The following SOX6 variants were observed in gnomAD, a reference collection of about 807,000 sequenced individuals.
SOX6 encodes the protein transcription factor SOX-6.
A neutral mutation model predicts 97.8 loss-of-function variants in SOX6; 11 were observed. That is an observed-to-expected ratio of 0.11 (90% CI 0.07 to 0.19). SOX6 has a LOEUF of 0.19. Ranked by LOEUF, SOX6 falls within the 10% of genes least tolerant of loss-of-function variation. SOX6 has a pLI of 1.00. For synonymous variants in SOX6, 360 were observed against 371.4 expected (o/e 0.97, Z 0.35); for missense variants, 810 against 1,039.5 (o/e 0.78, Z 3.04).
chr11:16,070,830 C>T (rs570364269), intron 9 of SOX6, among the ~76,000 whole-genome samples: 3 of 152,278 alleles, frequency 2.0e-5, no homozygotes, highest in South Asian at 4.1e-4. Flanking sequence ...TGGGAGAATC[C>T]TCCTAACCCC....
chr11:16,646,780 G>A (rs556665267), intron 3 of SOX6, among the ~76,000 whole-genome samples: 1 of 151,936 alleles, frequency 6.6e-6, no homozygotes, highest in Admixed American at 6.6e-5. Context: ...TTCCATCCAG[G>A]TTGCTGTGAA....
At chr11:16,329,321 A>G (rs1439272047) in intron 2 of SOX6, among the ~76,000 whole-genome samples, 1 of 152,194 alleles carries the variant, frequency 6.6e-6, no homozygotes, top group East Asian at 1.9e-4. Flanking sequence ...TTAAATACAG[A>G]AAACATCCCC....
At chr11:16,366,048 C>A (rs908573319) in intron 1 of SOX6, among the ~76,000 whole-genome samples, 1 of 152,034 alleles carries the variant, frequency 6.6e-6, no homozygotes. Context: ...TATGCAGTGC[C>A]GAACAAGTGG....
At chr11:16,666,694 G>C (rs1373380610) in intron 3 of SOX6, among the ~76,000 whole-genome samples, 2 of 152,106 alleles carry the variant, frequency 1.3e-5, no homozygotes, top group South Asian at 4.1e-4. Context: ...CTATTCAGGA[G>C]GCTGAGGCAG....
intron 15 of SOX6, among the ~76,000 whole-genome samples, chr11:15,979,235 T>G (rs953305670): frequency 1.3e-5 from 2 of 151,658 alleles, no homozygotes; most frequent in African/African-American, 4.8e-5. Context: ...TAACTGTATT[T>G]CTTTCAAACT....
intron 2 of SOX6, among the ~76,000 whole-genome samples, chr11:16,326,085 T>C (rs1413524258): frequency 2.0e-5 from 3 of 152,228 alleles, no homozygotes; most frequent in African/African-American, 4.8e-5. Context: ...ATTTTGTTAT[T>C]AGCAGCAGTA....
At chr11:16,119,643 T>C (rs1006961158) in intron 6 of SOX6, among the ~76,000 whole-genome samples, 1 of 152,216 alleles carries the variant, frequency 6.6e-6, no homozygotes, top group African/African-American at 2.4e-5. Flanking sequence ...AACTGATCAA[T>C]GGCTGAGAGC....
At chr11:16,209,827 GT>G (rs1852172893) in intron 4 of SOX6, among the ~76,000 whole-genome samples, 1 of 152,024 alleles carries the variant, frequency 6.6e-6, no homozygotes, top group African/African-American at 2.4e-5. Context: ...AAAAATGTGA[GT>G]TTTAAATCAG....
intron 15 of SOX6, among the ~76,000 whole-genome samples, chr11:15,975,742 T>A (rs143314045): frequency 7.6e-4 from 116 of 152,296 alleles, no homozygotes; most frequent in African/African-American, 2.7e-3. Flanking sequence ...GCCACGCAAG[T>A]ACCATAATCA....
At chr11:16,402,600 A>T in intron 1 of SOX6, 1 of 1,510,970 alleles carries the variant, frequency 6.6e-7, no homozygotes, top group Non-Finnish European at 9.2e-7. Context: ...CGCTTTGTTT[A>T]ATGAAAGCAG....
At chr11:16,453,077 G>A (rs1254389731) in intron 1 of SOX6, among the ~76,000 whole-genome samples, 3 of 152,038 alleles carry the variant, frequency 2.0e-5, no homozygotes, top group African/African-American at 4.8e-5. Context: ...CCTATAAAAC[G>A]CAATTTTTAT....
chr11:16,517,245 A>G (rs1860988650), intron 4 of SOX6, among the ~76,000 whole-genome samples: 1 of 151,932 alleles, frequency 6.6e-6, no homozygotes, highest in African/African-American at 2.4e-5. Context: ...AAAAACTGGA[A>G]GCATTCCCTT....
chr11:16,519,824 A>G (rs1861030831), intron 4 of SOX6, among the ~76,000 whole-genome samples: 1 of 152,178 alleles, frequency 6.6e-6, no homozygotes, highest in South Asian at 2.1e-4. Context: ...CCAACAGTAC[A>G]TAAGTGTTCC....
At chr11:16,446,959 CTTTT>C (rs1859623866) in intron 1 of SOX6, among the ~76,000 whole-genome samples, 1 of 2,376 alleles carries the variant, frequency 4.2e-4, no homozygotes, top group Non-Finnish European at 9.0e-4. Flanking sequence ...TCCTTCTTTC[CTTTT>C]TTCCTTCCTT....
At chr11:16,620,407 A>T (rs978926597) in intron 3 of SOX6, among the ~76,000 whole-genome samples, 1 of 152,182 alleles carries the variant, frequency 6.6e-6, no homozygotes, top group Non-Finnish European at 1.5e-5. Flanking sequence ...CGATATAAAA[A>T]ATTACAAGGA....
chr11:16,080,217 CTAT>C (rs941206305), intron 9 of SOX6, among the ~76,000 whole-genome samples: 2 of 134,490 alleles, frequency 1.5e-5, no homozygotes, highest in African/African-American at 5.7e-5. Flanking sequence ...TAAATGTGGA[CTAT>C]TATTATTTGT....
intron 3 of SOX6, among the ~76,000 whole-genome samples, chr11:16,631,772 C>T (rs1384994835): frequency 2.0e-5 from 3 of 152,010 alleles, no homozygotes; most frequent in African/African-American, 7.2e-5. Context: ...AGACTTTGTA[C>T]ATTTTTTTTA....
chr11:16,675,985 T>C (rs1168320199), intron 3 of SOX6, among the ~76,000 whole-genome samples: 3 of 152,224 alleles, frequency 2.0e-5, no homozygotes. Context: ...ATTTCGAAAG[T>C]TTTAAACCAT....
chr11:16,261,961 A>G (rs1227274537), intron 3 of SOX6, among the ~76,000 whole-genome samples: 1 of 152,044 alleles, frequency 6.6e-6, no homozygotes, highest in African/African-American at 2.4e-5. Context: ...AAAAAATGAA[A>G]ACAAATTATC....
Sources: gnomAD v4.1 joint callset for allele counts (sites outside exome capture counted in the v4.1 genomes callset) on GRCh38, gnomAD v4.1.1 for gene constraint, MANE v1.5 for transcripts, NCBI Gene and HGNC (gene_info 2026-07-23, HGNC 2026-07-21) for gene names.